Variants in SEMA3E observed in about 807,000 individuals in gnomAD.
SEMA3E encodes semaphorin 3E, also known as semaphorin-3E.
A neutral mutation model predicts 93.6 loss-of-function variants in SEMA3E; 49 were observed. The ratio of observed to expected loss-of-function variants is 0.52; its 90% CI spans 0.42 to 0.66. The LOEUF (loss-of-function observed/expected upper bound fraction) is 0.66, where lower values mean the gene tolerates loss of function less well. SEMA3E is among the 30% of genes least tolerant of loss of function. The probability of loss-of-function intolerance (pLI) is 0.00; values close to 1 mark genes in which losing one functional copy is unlikely to be tolerated. For synonymous variants in SEMA3E, 363 were observed against 330.7 expected, an observed-to-expected ratio of 1.10 and a Z score of -1.06; for missense variants, 906 against 964.8, an observed-to-expected ratio of 0.94 and a Z score of 0.81.
At chr7:83,382,233 A>T (rs994421364) in intron 16 of SEMA3E, among the ~76,000 whole-genome samples, 1 of 151,986 alleles carries the variant, frequency 6.6e-6, no homozygotes, top group Non-Finnish European at 1.5e-5. Context: ...TAACCAGGGG[A>T]GTTATTAAAT....
At chr7:83,576,114 T>G (rs1230575301) in intron 1 of SEMA3E, among the ~76,000 whole-genome samples, 1 of 152,212 alleles carries the variant, frequency 6.6e-6, no homozygotes, top group African/African-American at 2.4e-5. Flanking sequence ...GTTATTTTAA[T>G]TGTAAGAATT....
intron 1 of SEMA3E, among the ~76,000 whole-genome samples, chr7:83,605,778 C>A (rs1793104241): frequency 6.6e-6 from 1 of 151,958 alleles, no homozygotes; most frequent in African/African-American, 2.4e-5. Flanking sequence ...CTTTGCCCAC[C>A]TTTTGATAGG....
chr7:83,402,267 T>C (rs1380021130), intron 10 of SEMA3E, among the ~76,000 whole-genome samples: 1 of 152,006 alleles, frequency 6.6e-6, no homozygotes, highest in Non-Finnish European at 1.5e-5. Context: ...GGAAATTATA[T>C]GTGGTGCTAA....
intron 1 of SEMA3E, among the ~76,000 whole-genome samples, chr7:83,529,238 C>T (rs1399456222): frequency 6.6e-6 from 1 of 152,044 alleles, no homozygotes; most frequent in Non-Finnish European, 1.5e-5. Flanking sequence ...TTGGCATGCA[C>T]GTTATGAATA....
chr7:83,550,870 G>C (rs1304008046), intron 1 of SEMA3E, among the ~76,000 whole-genome samples: 3 of 151,952 alleles, frequency 2.0e-5, no homozygotes. Flanking sequence ...GAAAAAATAG[G>C]CAAGAAATAT....
chr7:83,471,416 C>A (rs1383953577), intron 2 of SEMA3E, among the ~76,000 whole-genome samples: 1 of 151,666 alleles, frequency 6.6e-6, no homozygotes, highest in East Asian at 1.9e-4. Context: ...CTTTGAGTTT[C>A]TTCGTGCTGA....
intron 4 of SEMA3E, among the ~76,000 whole-genome samples, chr7:83,437,413 A>C (rs1274302938): frequency 6.6e-6 from 1 of 152,154 alleles, no homozygotes; most frequent in African/African-American, 2.4e-5. Context: ...AAGACACAAA[A>C]TCCAGAAGAC....
intron 14 of SEMA3E, among the ~76,000 whole-genome samples, chr7:83,390,334 GCTTT>G (rs1787994808): frequency 6.6e-6 from 1 of 150,914 alleles, no homozygotes; most frequent in Non-Finnish European, 1.5e-5. Context: ...GAACAAATTT[GCTTT>G]CATTCTCAAA....
intron 2 of SEMA3E, among the ~76,000 whole-genome samples, chr7:83,471,388 C>A (rs905800777): frequency 8.7e-5 from 13 of 150,236 alleles, no homozygotes; most frequent in Non-Finnish European, 1.6e-4. Flanking sequence ...TGCTTTGGAA[C>A]AGAAAGGGAA....
At chr7:83,508,542 G>A (rs573917477) in intron 1 of SEMA3E, among the ~76,000 whole-genome samples, 22 of 152,228 alleles carry the variant, frequency 1.4e-4, no homozygotes, top group East Asian at 1.4e-3. Context: ...GATTACAGGC[G>A]TGAGCCACTG....
chr7:83,387,941 G>C (rs868516993), intron 14 of SEMA3E, among the ~76,000 whole-genome samples: 2 of 141,684 alleles, frequency 1.4e-5, no homozygotes, highest in Non-Finnish European at 3.0e-5. Context: ...CATATGTTTC[G>C]AATATATAAA....
intron 1 of SEMA3E, among the ~76,000 whole-genome samples, chr7:83,568,459 GA>G (rs1418446957): frequency 2.0e-5 from 3 of 152,028 alleles, no homozygotes; most frequent in Non-Finnish European, 2.9e-5. Flanking sequence ...GATGAACGTA[GA>G]TACAAAAACT....
chr7:83,482,597 A>C (rs1048450507), intron 2 of SEMA3E, among the ~76,000 whole-genome samples: 4 of 112,088 alleles, frequency 3.6e-5, no homozygotes, highest in Non-Finnish European at 8.1e-5. Flanking sequence ...AATTTGCAAG[A>C]AAGCAGACAG....
chr7:83,380,944 G>A (rs1395164125), intron 16 of SEMA3E, among the ~76,000 whole-genome samples: 1 of 151,910 alleles, frequency 6.6e-6, no homozygotes, highest in Non-Finnish European at 1.5e-5. Context: ...GCTACAATGT[G>A]TATGAGGCAA....
chr7:83,473,331 T>A (rs1789942453), intron 2 of SEMA3E, among the ~76,000 whole-genome samples: 1 of 152,192 alleles, frequency 6.6e-6, no homozygotes, highest in Non-Finnish European at 1.5e-5. Context: ...GTACTGTTGT[T>A]AGACTGTATT....
intron 5 of SEMA3E, among the ~76,000 whole-genome samples, chr7:83,409,463 A>G (rs1788397875): frequency 1.3e-5 from 2 of 152,178 alleles, no homozygotes; most frequent in Admixed American, 1.3e-4. Context: ...GCAACCTCAA[A>G]GCAAAGTGGT....
At chr7:83,425,564 T>C (rs758376384) in intron 4 of SEMA3E, among the ~76,000 whole-genome samples, 5 of 152,154 alleles carry the variant, frequency 3.3e-5, no homozygotes, top group African/African-American at 4.8e-5. Context: ...TGACTACCCA[T>C]AGCCTCCAGA....
chr7:83,387,971 T>C (rs1428654744), intron 14 of SEMA3E, among the ~76,000 whole-genome samples: 2 of 146,676 alleles, frequency 1.4e-5, no homozygotes, highest in Non-Finnish European at 3.0e-5. Flanking sequence ...GTATATGTAA[T>C]TCAAGAATAT....
At chr7:83,648,400 A>G in intron 1 of SEMA3E, 28 bp downstream of exon 1, 1 of 1,452,608 alleles carries the variant, frequency 6.9e-7, no homozygotes, top group Non-Finnish European at 9.6e-7. Flanking sequence ...TTTTTTTTTA[A>G]ACAAAAGGAT....
Sources: gnomAD v4.1 joint callset for allele counts (sites outside exome capture counted in the v4.1 genomes callset) on GRCh38, gnomAD v4.1.1 for gene constraint, MANE v1.5 for transcripts, NCBI Gene and HGNC (gene_info 2026-07-23, HGNC 2026-07-21) for gene names.